Variants in FUT9 observed in about 807,000 individuals in gnomAD.
The protein encoded by FUT9 is fucosyltransferase 9, also known as 4-galactosyl-N-acetylglucosaminide 3-alpha-L-fucosyltransferase 9.
Under a neutral mutation model 29.7 loss-of-function variants are expected in FUT9, and 15 were observed. The ratio of observed to expected loss-of-function variants is 0.51; its 90% CI spans 0.34 to 0.78. The LOEUF is 0.78. FUT9 is among the 30% of genes least tolerant of loss of function. The pLI is 0.01. For synonymous variants in FUT9, 169 were observed against 153.7 expected, an observed-to-expected ratio of 1.10 and a Z score of -0.74; for missense variants, 319 against 425.4, an observed-to-expected ratio of 0.75 and a Z score of 2.20.
At chr6:96,022,871 T>G (rs957263023) in intron 1 of FUT9, among the ~76,000 whole-genome samples, 6 of 151,776 alleles carry the variant, frequency 4.0e-5, no homozygotes, top group African/African-American at 1.5e-4. Context: ...ACCTGGTACG[T>G]GTATATCCTG....
rs1773848787 is a variant in FUT9 at position 96,207,229 on chromosome 6, A to ACACACACG, written c.*2994_*2995insCACACACG. ...ATTCAAGACACACATTCACACACAC[A>ACACACACG]TACACACACACACACACACACCCCA... On this transcript the variant is annotated 3_prime_UTR_variant, in exon 3 of 3. Coordinates refer to ENST00000302103, the MANE Select transcript of FUT9 (RefSeq NM_006581.4). The ACACACACG allele has an allele frequency of 1.2e-5, 2 of 164,760 alleles. No individual in the cohort carries two copies. Among genetic ancestry groups the ACACACACG allele is most frequent in the Admixed American group, 6.6e-5 (1 of 15,194 alleles). 10.2% of individuals were successfully genotyped at this position (164,760 alleles called of 1,614,324 possible).
At chr6:96,123,621 G>A (rs1562133470) in intron 2 of FUT9, among the ~76,000 whole-genome samples, 1 of 152,184 alleles carries the variant, frequency 6.6e-6, no homozygotes, top group Non-Finnish European at 1.5e-5. Flanking sequence ...CATGTTCACT[G>A]AGAGGCAGAG....
rs771263435 is a variant in FUT9 at position 96,203,925 on chromosome 6, T to C, written c.770T>C (p.Leu257Pro). ...CACAAGGATTACATCACGGAAAAGCTATACAATGCTTTTCTGGCTGGCTCT... is the reference window on the plus strand; with the variant it reads ...CACAAGGATTACATCACGGAAAAGCCATACAATGCTTTTCTGGCTGGCTCT... ...SIHKDYITEK[L>P]YNAFLAGSVP... is the part of the protein sequence containing the mutation. The change falls in exon 3 of 3, where the codon CTA becomes CCA. Residue 257 changes from leucine (L) to proline (P), a missense_variant. Transcript: ENST00000302103. 12 of 1,609,542 alleles carry C rather than the reference T, an allele frequency of 7.5e-6. No individual in the cohort carries two copies.
rs1245553840 is a variant in FUT9, at chr6:96,213,370, C to G, written c.*9135C>G. The G allele has an allele frequency of 6.0e-6, 1 of 166,724 alleles. No homozygotes were observed. The highest frequency in any genetic ancestry group is 1.5e-5 in the Non-Finnish European group (1 of 67,990). 10.3% of individuals were successfully genotyped at this position (166,724 alleles called of 1,614,324 possible). ...GACTTACATTCAAGGAAGGTCAAAA[C>G]TATTATTCTGAAACAAAATGTGACA... is the stretch of plus-strand genomic sequence containing the variant. On this transcript the variant is annotated 3_prime_UTR_variant, in exon 3 of 3. Coordinates refer to ENST00000302103, the MANE Select transcript of FUT9 (RefSeq NM_006581.4).
At position 96,017,848 on chromosome 6, in the gene FUT9, G is replaced by A. The variant is rs116706594; in HGVS notation, c.-98+1636G>A. 7.2e-3 allele frequency among the ~76,000 whole-genome samples: 1,091 copies of A among 152,258 alleles called. 9 individuals are homozygous for A. The highest frequency in any genetic ancestry group is 0.025 in the African/African-American group (1,023 of 41,542). ...ATGTATGCTTCATCACCTTAAAGGA[G>A]CAAGTCTCAGGCTACATAAGAAATA... On this transcript the variant is annotated intron_variant, in intron 1 of 2. Transcript: ENST00000302103.
chr6:96,099,443 T>TA (rs1304949770), intron 1 of FUT9, among the ~76,000 whole-genome samples: 7 of 152,286 alleles, frequency 4.6e-5, no homozygotes, highest in African/African-American at 1.7e-4. Flanking sequence ...CCTTTATATG[T>TA]AACCTTTTGT....
intron 2 of FUT9, among the ~76,000 whole-genome samples, chr6:96,195,899 T>G (rs1773616211): frequency 1.3e-5 from 2 of 152,196 alleles, no homozygotes; most frequent in Admixed American, 1.3e-4. Flanking sequence ...AATTATTCTT[T>G]GAACCTGCAT....
At chr6:96,032,319 T>G (rs1562101801) in intron 1 of FUT9, among the ~76,000 whole-genome samples, 1 of 151,598 alleles carries the variant, frequency 6.6e-6, no homozygotes, top group Admixed American at 6.6e-5. Context: ...GAGACTATGA[T>G]ATGCCTTTTT....
intron 2 of FUT9, among the ~76,000 whole-genome samples, chr6:96,138,415 C>T (rs1157303352): frequency 6.7e-6 from 1 of 150,112 alleles, no homozygotes; most frequent in African/African-American, 2.4e-5. Flanking sequence ...AAAATTATGG[C>T]TTTCCAAAAA....
intron 2 of FUT9, among the ~76,000 whole-genome samples, chr6:96,173,566 T>C (rs1773151531): frequency 6.6e-6 from 1 of 152,096 alleles, no homozygotes; most frequent in Non-Finnish European, 1.5e-5. Flanking sequence ...AACTAGAGGT[T>C]TCCTTGATTC....
intron 1 of FUT9, among the ~76,000 whole-genome samples, chr6:96,110,239 C>T (rs1160238158): frequency 6.6e-6 from 1 of 152,090 alleles, no homozygotes; most frequent in Non-Finnish European, 1.5e-5. Flanking sequence ...CTCAGAGTCT[C>T]TACTACTTTT....
intron 1 of FUT9, among the ~76,000 whole-genome samples, chr6:96,030,490 A>G (rs552368018): frequency 4.0e-5 from 6 of 151,686 alleles, no homozygotes; most frequent in African/African-American, 1.2e-4. Flanking sequence ...GTCCGAGTGA[A>G]AATGTGGAGC....
intron 1 of FUT9, among the ~76,000 whole-genome samples, chr6:96,031,342 A>G (rs1770257229): frequency 6.6e-6 from 1 of 151,506 alleles, no homozygotes; most frequent in Non-Finnish European, 1.5e-5. Context: ...ATCTTAATCT[A>G]AACTTAACCT....
In FUT9 at chr6:96,211,844, T is replaced by C. The variant is rs1773943107; in HGVS notation, c.*7609T>C. 2.7e-6 allele frequency: 1 copy of C among 364,250 alleles called. No homozygotes were observed. The highest frequency in any genetic ancestry group is 1.5e-4 in the South Asian group (1 of 6,630). The allele number at this position is 364,250 out of a possible 1,614,324, so 22.6% of individuals were successfully genotyped here. A position where few individuals can be genotyped will look rare whatever the true frequency, so the allele number is the denominator to read the frequency against. On this transcript the variant is annotated 3_prime_UTR_variant, in exon 3 of 3. Transcript: ENST00000302103. ...TAAAGAGTATTAGAAATGTCTGTTA[T>C]GTCAGTAACATTAGAAAACTTCAAA... is the stretch of plus-strand genomic sequence containing the variant.
At chr6:96,093,229 T>C (rs1273232363) in intron 1 of FUT9, among the ~76,000 whole-genome samples, 1 of 152,182 alleles carries the variant, frequency 6.6e-6, no homozygotes, top group Non-Finnish European at 1.5e-5. Flanking sequence ...CTTGCACAGT[T>C]CTTGACACAT....
chr6:96,190,464 G>A (rs922453748), intron 2 of FUT9, among the ~76,000 whole-genome samples: 2 of 152,078 alleles, frequency 1.3e-5, no homozygotes, highest in African/African-American at 4.8e-5. Flanking sequence ...GCCTTGCTAG[G>A]TTGGGGAAGT....
At chr6:96,137,038 A>G (rs1454283190) in intron 2 of FUT9, among the ~76,000 whole-genome samples, 1 of 152,030 alleles carries the variant, frequency 6.6e-6, no homozygotes, top group African/African-American at 2.4e-5. Flanking sequence ...TGTCTTCCAT[A>G]TACATATCAA....
intron 2 of FUT9, among the ~76,000 whole-genome samples, chr6:96,156,587 A>C (rs1772789455): frequency 6.6e-6 from 1 of 152,172 alleles, no homozygotes; most frequent in Non-Finnish European, 1.5e-5. Context: ...CATTCCCCCT[A>C]GCGTGCATGT....
Position 96,204,272 on chromosome 6 carries a change from AT to A in FUT9, c.*38del, listed in dbSNP as rs750318433. ...ACTTGCACACTTGATAAATATTTTG[AT>A]GAGATATCATCCAAGTATTGAGGAT... is the stretch of plus-strand genomic sequence containing the variant. On this transcript the variant is annotated 3_prime_UTR_variant, in exon 3 of 3. Coordinates refer to ENST00000302103, the MANE Select transcript of FUT9 (RefSeq NM_006581.4). 5 of 1,353,224 alleles carry A rather than the reference AT, an allele frequency of 3.7e-6. No homozygotes were observed. Among genetic ancestry groups the A allele is most frequent in the Non-Finnish European group, 4.9e-6 (5 of 1,023,154 alleles). The allele number at this position is 1,353,224 out of a possible 1,614,324, so 83.8% of individuals were successfully genotyped here.
Sources: gnomAD v4.1 joint callset for allele counts (sites outside exome capture counted in the v4.1 genomes callset) on GRCh38, gnomAD v4.1.1 for gene constraint, MANE v1.5 for transcripts, NCBI Gene and HGNC (gene_info 2026-07-23, HGNC 2026-07-21) for gene names.